VPS53: variants seen among roughly 807,000 people sequenced by gnomAD.
VPS53 encodes the protein vacuolar protein sorting-associated protein 53 homolog.
Under a neutral mutation model 107.0 loss-of-function variants are expected in VPS53, and 70 were observed. That is an observed-to-expected ratio of 0.65 (90% CI 0.54 to 0.80). VPS53 has a LOEUF of 0.80. Among genes scored for constraint, VPS53 ranks in the 30% least tolerant of loss-of-function variants. The probability of loss-of-function intolerance (pLI) is 0.00; values close to 1 mark genes in which losing one functional copy is unlikely to be tolerated. For missense variants in VPS53, 917 were observed against 1,049.4 expected, an observed-to-expected ratio of 0.87 and a Z score of 1.74; for synonymous variants, 409 against 393.3, an observed-to-expected ratio of 1.04 and a Z score of -0.47.
At chr17:671,596 T>C (rs1412588305) in intron 4 of VPS53, among the ~76,000 whole-genome samples, 1 of 152,170 alleles carries the variant, frequency 6.6e-6, no homozygotes, top group Non-Finnish European at 1.5e-5. Context: ...TTTGGAATCG[T>C]TTACCCAACA....
chr17:532,794 C>CTACA, intron 19 of VPS53, 48 bp downstream of exon 19: 1 of 1,608,958 alleles, frequency 6.2e-7, no homozygotes, highest in South Asian at 1.1e-5. Context: ...TGTGCTTGAT[C>CTACA]TACAACAAAA....
intron 7 of VPS53, among the ~76,000 whole-genome samples, chr17:637,025 C>T (rs1033931372): frequency 8.5e-5 from 13 of 152,192 alleles, no homozygotes; most frequent in South Asian, 6.2e-4. Flanking sequence ...TGGTAGAATT[C>T]GGCTGTGAAT....
chr17:566,240 T>TTC (rs1913501130), intron 13 of VPS53, among the ~76,000 whole-genome samples: 1 of 151,684 alleles, frequency 6.6e-6, no homozygotes, highest in Admixed American at 6.6e-5. Flanking sequence ...ATAACCTATC[T>TTC]TCTCCCATCC....
intron 4 of VPS53, among the ~76,000 whole-genome samples, chr17:690,641 GTGA>G (rs1249181013): frequency 2.0e-5 from 3 of 152,176 alleles, no homozygotes; most frequent in Non-Finnish European, 4.4e-5. Flanking sequence ...GGGGTTTCAG[GTGA>G]CTGCCAACTC....
At chr17:557,995 GACCACAGGCATGT>G (rs1912591226) in intron 15 of VPS53, among the ~76,000 whole-genome samples, 1 of 151,778 alleles carries the variant, frequency 6.6e-6, no homozygotes, top group Non-Finnish European at 1.5e-5. Context: ...AAGTAGCTGA[GACCACAGGCATGT>G]ACCACCACAC....
At chr17:605,982 T>C (rs554809228) in intron 11 of VPS53, among the ~76,000 whole-genome samples, 137 of 152,246 alleles carry the variant, frequency 9.0e-4, no homozygotes, top group African/African-American at 3.2e-3. Context: ...GAATGGATTA[T>C]AATGACAGCA....
At chr17:619,491 T>C (rs1969357237) in intron 11 of VPS53, among the ~76,000 whole-genome samples, 1 of 146,504 alleles carries the variant, frequency 6.8e-6, no homozygotes, top group African/African-American at 2.5e-5. Context: ...CTGCTTATAT[T>C]TCCCGGATAG....
intron 8 of VPS53, among the ~76,000 whole-genome samples, chr17:631,096 C>G (rs749502715): frequency 1.3e-5 from 2 of 151,986 alleles, no homozygotes; most frequent in Non-Finnish European, 2.9e-5. Flanking sequence ...TTCCGAAGAG[C>G]AGGCTTATGG....
At chr17:672,940 G>A (rs1455117203) in intron 4 of VPS53, among the ~76,000 whole-genome samples, 2 of 151,908 alleles carry the variant, frequency 1.3e-5, no homozygotes, top group Non-Finnish European at 2.9e-5. Flanking sequence ...GTGAAACCCC[G>A]TCTCTACTAA....
chr17:679,148 G>C (rs1281861444), intron 4 of VPS53, among the ~76,000 whole-genome samples: 1 of 152,164 alleles, frequency 6.6e-6, no homozygotes, highest in East Asian at 1.9e-4. Context: ...CAAGTCCTCT[G>C]AGAAGGCCTA....
chr17:661,812 T>C lies in VPS53; in HGVS notation c.369A>G (p.Gln123=), dbSNP rs372545838. 10 of 1,552,040 alleles carry C rather than the reference T, an allele frequency of 6.4e-6. No homozygotes were observed. The highest frequency in any genetic ancestry group is 7.0e-6 in the Non-Finnish European group (8 of 1,147,016). ...TTAGGAAGAAACCAGAACTCACCAT[T>C]TGCTCTGATTTTTCAGCTTTGTCTT... ...DIKDKAEKSE[Q]MVKEITRDIK... is the part of the protein sequence containing the mutation. Residue 123 remains glutamine, a synonymous_variant, in exon 5 of 22, where the codon CAA becomes CAG. Coordinates refer to ENST00000437048, the MANE Select transcript of VPS53 (RefSeq NM_001128159.3).
intron 7 of VPS53, among the ~76,000 whole-genome samples, chr17:633,742 A>T (rs1270332447): frequency 6.6e-6 from 1 of 152,208 alleles, no homozygotes; most frequent in Non-Finnish European, 1.5e-5. Flanking sequence ...TCCAGATTGG[A>T]ATCAGGGCCA....
intron 13 of VPS53, among the ~76,000 whole-genome samples, chr17:571,252 G>A (rs1382007775): frequency 6.7e-6 from 1 of 148,256 alleles, no homozygotes; most frequent in East Asian, 2.0e-4. Flanking sequence ...GGAGGGGAGG[G>A]GTGGGGAGGG....
intron 4 of VPS53, among the ~76,000 whole-genome samples, chr17:696,785 A>G (rs1320467340): frequency 7.3e-6 from 1 of 136,158 alleles, no homozygotes; most frequent in Non-Finnish European, 1.5e-5. Context: ...AATAAGACTT[A>G]TAAAACTTTT....
intron 4 of VPS53, among the ~76,000 whole-genome samples, chr17:685,900 T>C (rs1384058148): frequency 6.6e-6 from 1 of 152,084 alleles, no homozygotes; most frequent in Non-Finnish European, 1.5e-5. Context: ...TAGTCCTACC[T>C]ACTTGGAAGT....
rs1464867254 is a variant in VPS53, at chr17:701,439, G to A, written c.169-2059C>T. Among the ~76,000 whole-genome samples, 5 of 152,020 alleles carry A rather than the reference G, an allele frequency of 3.3e-5. No homozygotes were observed. In the South Asian group the frequency reaches 6.2e-4, roughly 19 times the overall value. ...TGTCACCAGGCTGGAGTGCAATGGCGCGATCTCGGCTCACTGCAACCTCCG... is the reference window on the plus strand; with the variant it reads ...TGTCACCAGGCTGGAGTGCAATGGCACGATCTCGGCTCACTGCAACCTCCG... On this transcript the variant is annotated intron_variant, in intron 2 of 21. Coordinates refer to ENST00000437048, the MANE Select transcript of VPS53 (RefSeq NM_001128159.3).
At chr17:557,240 T>G (rs968109857) in intron 15 of VPS53, among the ~76,000 whole-genome samples, 1 of 152,220 alleles carries the variant, frequency 6.6e-6, no homozygotes, top group Non-Finnish European at 1.5e-5. Context: ...CCTTGGCTCA[T>G]AGAAGTCTGA....
intron 11 of VPS53, among the ~76,000 whole-genome samples, chr17:604,113 G>A (rs1351006649): frequency 1.3e-5 from 2 of 152,158 alleles, no homozygotes; most frequent in Admixed American, 6.5e-5. Flanking sequence ...TAAGTCTATT[G>A]GGTTGATAAC....
intron 13 of VPS53, among the ~76,000 whole-genome samples, 169 bp from the exon 14 acceptor site, chr17:562,914 A>C (rs1396970659): frequency 6.6e-6 from 1 of 151,650 alleles, no homozygotes; most frequent in African/African-American, 2.4e-5. Context: ...TACCACCACC[A>C]CTCCTACAAC....
Sources: gnomAD v4.1 joint callset for allele counts (sites outside exome capture counted in the v4.1 genomes callset) on GRCh38, gnomAD v4.1.1 for gene constraint, MANE v1.5 for transcripts, NCBI Gene and HGNC (gene_info 2026-07-23, HGNC 2026-07-21) for gene names.